INVS: variants seen among roughly 807,000 people sequenced by gnomAD.
INVS encodes inversion of embryo turning homolog.
A neutral mutation model predicts 108.8 loss-of-function variants in INVS; 86 were observed. The observed-to-expected ratio is 0.79, with a 90% CI of 0.66 to 0.95. The LOEUF is 0.95. Among genes scored for constraint, INVS ranks in the 40% least tolerant of loss-of-function variants. The pLI, the probability that INVS is intolerant of heterozygous loss-of-function variation, is 0.00. For missense variants in INVS, 1,169 were observed against 1,297.4 expected (o/e 0.90, Z 1.52); for synonymous variants, 455 against 473.5 (o/e 0.96, Z 0.51).
intron 13 of INVS, among the ~76,000 whole-genome samples, chr9:100,290,086 G>GT (rs35079684): frequency 0.34 from 50,578 of 148,826 alleles, 8,957 homozygotes; most frequent in Non-Finnish European, 0.42. Flanking sequence ...TGTAGTTTTA[G>GT]TTTTTTTTTT....
chr9:100,168,562 TG>T (rs1829438587), intron 3 of INVS, among the ~76,000 whole-genome samples: 2 of 152,120 alleles, frequency 1.3e-5, no homozygotes. Context: ...CGTGAGCAGT[TG>T]GGCCTTTCAT....
intron 2 of INVS, among the ~76,000 whole-genome samples, chr9:100,120,255 C>T (rs924731477): frequency 7.9e-5 from 12 of 152,110 alleles, no homozygotes; most frequent in Non-Finnish European, 1.0e-4. Flanking sequence ...TTCAAACTTA[C>T]ACAGATTCCT....
intron 2 of INVS, among the ~76,000 whole-genome samples, chr9:100,125,987 G>T (rs1026667242): frequency 1.5e-4 from 23 of 152,276 alleles, no homozygotes; most frequent in African/African-American, 5.5e-4. Flanking sequence ...CACCCAGCCT[G>T]TAATTCATTT....
At chr9:100,175,877 T>A (rs1829696000) in intron 3 of INVS, 1 of 611,874 alleles carries the variant, frequency 1.6e-6, no homozygotes, top group Admixed American at 1.9e-5. Flanking sequence ...TGGAGAGGAA[T>A]CTCTGCAAGT....
chr9:100,102,711 A>G (rs1373492548), intron 1 of INVS: 1 of 152,410 alleles, frequency 6.6e-6, no homozygotes, highest in Non-Finnish European at 1.5e-5. Context: ...CCAGGAGTAG[A>G]AGACCACCAG....
intron 3 of INVS, among the ~76,000 whole-genome samples, chr9:100,165,782 A>G (rs918928120): frequency 6.6e-5 from 10 of 152,202 alleles, no homozygotes; most frequent in Non-Finnish European, 1.2e-4. Context: ...ACATGAGCCT[A>G]GTATTTGATA....
intron 2 of INVS, among the ~76,000 whole-genome samples, chr9:100,118,309 A>G (rs553505816): frequency 7.4e-4 from 112 of 151,966 alleles, no homozygotes; most frequent in African/African-American, 2.6e-3. Flanking sequence ...CCCGGGTTCA[A>G]GCGATTCTCT....
intron 3 of INVS, among the ~76,000 whole-genome samples, chr9:100,143,011 G>T (rs1828482679): frequency 6.6e-6 from 1 of 152,200 alleles, no homozygotes; most frequent in Non-Finnish European, 1.5e-5. Context: ...GGTAACAGAT[G>T]AGGAAGAAAT....
chr9:100,222,720 T>C (rs1181113324), intron 3 of INVS, among the ~76,000 whole-genome samples: 1 of 152,160 alleles, frequency 6.6e-6, no homozygotes, highest in African/African-American at 2.4e-5. Context: ...TTAAAGGTCA[T>C]GATGAATTAC....
rs555377940 is a variant in INVS at position 100,282,449 on chromosome 9, G to C, written c.1785-1871G>C. Among the ~76,000 whole-genome samples the C allele has an allele frequency of 7.2e-5, 11 of 152,328 alleles. No individual in the cohort carries two copies. In the South Asian group the frequency reaches 2.3e-3, roughly 32 times the overall value. ...GAAAACTATTATATAAGCAAGCTTG[G>C]ACCCCAGATCAGGGGCTACTCCATA... On this transcript the variant is annotated intron_variant, in intron 12 of 16. Coordinates refer to ENST00000262457, the MANE Select transcript of INVS (RefSeq NM_014425.5).
chr9:100,159,046 A>G (rs1829090478), intron 3 of INVS, among the ~76,000 whole-genome samples: 1 of 152,214 alleles, frequency 6.6e-6, no homozygotes, highest in East Asian at 1.9e-4. Context: ...TACTGGCACC[A>G]TGCATTTAGT....
intron 3 of INVS, among the ~76,000 whole-genome samples, chr9:100,136,444 CCCA>C (rs1828227979): frequency 6.6e-6 from 1 of 151,860 alleles, no homozygotes; most frequent in Admixed American, 6.6e-5. Flanking sequence ...TTCATATATC[CCCA>C]CGATATCATT....
intron 3 of INVS, among the ~76,000 whole-genome samples, chr9:100,179,851 T>G (rs1433641653): frequency 6.6e-6 from 1 of 152,138 alleles, no homozygotes; most frequent in African/African-American, 2.4e-5. Flanking sequence ...TTCTTCTCAG[T>G]ACCACATTGC....
intron 3 of INVS, among the ~76,000 whole-genome samples, chr9:100,194,297 G>T (rs577330122): frequency 6.6e-6 from 1 of 152,102 alleles, no homozygotes; most frequent in Non-Finnish European, 1.5e-5. Flanking sequence ...TTCCATTTAG[G>T]TTTGTAGTGG....
rs1401794025 is a variant in INVS, at chr9:100,292,608, C to T, written c.2351C>T (p.Pro784Leu). ...WKPSRRHDTE[P>L]KAKCAPQKRR... ...CCCAGCAGGCGGCATGACACAGAACCCAAGGCCAAATGTGCCCCCCAGAAA... is the reference window on the plus strand; with the variant it reads ...CCCAGCAGGCGGCATGACACAGAACTCAAGGCCAAATGTGCCCCCCAGAAA... The change falls in exon 14 of 17, where the codon CCC becomes CTC. Residue 784 changes from proline (P) to leucine (L), a missense_variant. Physicochemically the swap from Pro to Leu is moderately conservative, Grantham distance 98 (BLOSUM62 -3). Transcript: ENST00000262457. The T allele has an allele frequency of 6.2e-6, 10 of 1,614,184 alleles. No homozygotes were observed. The highest frequency in any genetic ancestry group is 1.3e-5 in the African/African-American group (1 of 75,066).
intron 3 of INVS, among the ~76,000 whole-genome samples, chr9:100,155,288 G>T (rs1307106551): frequency 6.6e-6 from 1 of 151,844 alleles, no homozygotes; most frequent in African/African-American, 2.4e-5. Context: ...TATTAAGTTG[G>T]TAGCTTAACT....
intron 13 of INVS, among the ~76,000 whole-genome samples, chr9:100,291,942 C>T (rs1289235964): frequency 6.6e-6 from 1 of 152,240 alleles, no homozygotes; most frequent in African/African-American, 2.4e-5. Flanking sequence ...TGTTAAAGCA[C>T]AGCCAGATAT....
intron 3 of INVS, among the ~76,000 whole-genome samples, chr9:100,144,364 C>T (rs1034500326): frequency 4.6e-5 from 7 of 151,988 alleles, no homozygotes; most frequent in Non-Finnish European, 5.9e-5. Flanking sequence ...ATTTTTGGAG[C>T]TTTATTTAAA....
chr9:100,167,108 G>A (rs909940906), intron 3 of INVS, among the ~76,000 whole-genome samples: 3 of 152,018 alleles, frequency 2.0e-5, no homozygotes, highest in South Asian at 2.1e-4. Context: ...GTGTGTGCCT[G>A]TAGTCCCAGC....
Sources: gnomAD v4.1 joint callset for allele counts (sites outside exome capture counted in the v4.1 genomes callset) on GRCh38, gnomAD v4.1.1 for gene constraint, MANE v1.5 for transcripts, NCBI Gene and HGNC (gene_info 2026-07-23, HGNC 2026-07-21) for gene names.